WDR35: variants seen among roughly 807,000 people sequenced by gnomAD.
WDR35 encodes the protein WD repeat-containing protein 35.
Under a neutral mutation model 158.3 loss-of-function variants are expected in WDR35, and 118 were observed. The observed-to-expected ratio is 0.75, with a 90% CI of 0.64 to 0.87. The LOEUF (loss-of-function observed/expected upper bound fraction) is 0.87. WDR35 is among the 40% of genes least tolerant of loss of function. The probability of loss-of-function intolerance (pLI) is 0.00; values close to 1 mark genes in which losing one functional copy is unlikely to be tolerated. For synonymous variants in WDR35, 448 were observed against 476.1 expected (o/e 0.94, Z 0.77); for missense variants, 1,263 against 1,405.8 (o/e 0.90, Z 1.62).
Position 19,921,652 on chromosome 2 carries a change from C to G in WDR35, c.3122-7375G>C, listed in dbSNP as rs183502008. Among the ~76,000 whole-genome samples, 23 of 152,178 alleles carry G rather than the reference C, an allele frequency of 1.5e-4. 1 individual carries two copies. On this transcript the variant is annotated intron_variant, in intron 25 of 26. Coordinates refer to ENST00000281405, the MANE Select transcript of WDR35 (RefSeq NM_020779.4). The stretch of plus-strand genomic sequence containing the variant: ...AGAAGAAAACCTAGGCAATACCATT[C>G]AGGACATAGGCATGGGCAAAGACTT...
At chr2:19,980,310 T>C (rs772300705) in intron 4 of WDR35, among the ~76,000 whole-genome samples, 17 of 152,094 alleles carry the variant, frequency 1.1e-4, no homozygotes, top group Non-Finnish European at 2.2e-4. Flanking sequence ...TACAGTCTAC[T>C]GAGGAACCAA....
At chr2:19,963,347 T>C (rs1671729455) in intron 10 of WDR35, among the ~76,000 whole-genome samples, 1 of 151,490 alleles carries the variant, frequency 6.6e-6, no homozygotes, top group Non-Finnish European at 1.5e-5. Context: ...AAGCACATTC[T>C]GCTTTCTCTG....
rs1324144967 is a variant in WDR35, at chr2:19,990,087, G to A, written c.-72C>T. On this transcript the variant is annotated 5_prime_UTR_variant, in exon 1 of 27. Coordinates refer to ENST00000281405, the MANE Select transcript of WDR35 (RefSeq NM_020779.4). ...AGTAACGGTTCTACGTCTCCAATCG[G>A]GAGTACCAGCAGCTCCGGAAAGCTC... The A allele has an allele frequency of 3.8e-6, 6 of 1,592,374 alleles. No homozygotes were observed. The highest frequency in any genetic ancestry group is 5.1e-6 in the Non-Finnish European group (6 of 1,167,892).
intron 12 of WDR35, among the ~76,000 whole-genome samples, chr2:19,953,356 A>C (rs1671311520): frequency 6.6e-6 from 1 of 152,178 alleles, no homozygotes; most frequent in African/African-American, 2.4e-5. Context: ...AACCAGGGCA[A>C]GAAAAAGAAG....
At chr2:19,924,931 T>C (rs1265099490) in intron 25 of WDR35, among the ~76,000 whole-genome samples, 1 of 152,164 alleles carries the variant, frequency 6.6e-6, no homozygotes, top group Non-Finnish European at 1.5e-5. Flanking sequence ...AAAAAGGACA[T>C]TGGGCTAATC....
chr2:19,911,628 T>G lies in WDR35; in HGVS notation c.*1930A>C, dbSNP rs1368167102. Reference sequence around the variant, plus strand: ...ATTCATTGTGTTACATTTAGGTAAGTAAGTTAGTAACCTAGGAGACTTATT... The same window carrying G: ...ATTCATTGTGTTACATTTAGGTAAGGAAGTTAGTAACCTAGGAGACTTATT... On this transcript the variant is annotated 3_prime_UTR_variant, in exon 27 of 27. Coordinates refer to ENST00000281405, the MANE Select transcript of WDR35 (RefSeq NM_020779.4). 6.6e-6 allele frequency: 1 copy of G among 152,216 alleles called. No individual in the cohort carries two copies. Among genetic ancestry groups the G allele is most frequent in the African/African-American group, 2.4e-5 (1 of 41,452 alleles). 9.4% of individuals were successfully genotyped at this position (152,216 alleles called of 1,614,324 possible).
At chr2:19,927,676 G>T (rs182716801) in intron 25 of WDR35, among the ~76,000 whole-genome samples, 1 of 152,100 alleles carries the variant, frequency 6.6e-6, no homozygotes, top group South Asian at 2.1e-4. Flanking sequence ...ATAAAAAAGC[G>T]TCTAGAAGGA....
At chr2:19,919,380 C>CAAAAA (rs1302042752) in intron 25 of WDR35, among the ~76,000 whole-genome samples, 114 of 47,048 alleles carry the variant, frequency 2.4e-3, no homozygotes, top group African/African-American at 4.5e-3. Flanking sequence ...GGCTCCATCT[C>CAAAAA]AAAAAAAAAA....
At chr2:19,957,529 A>G (rs1671486065) in intron 11 of WDR35, among the ~76,000 whole-genome samples, 1 of 151,762 alleles carries the variant, frequency 6.6e-6, no homozygotes, top group Non-Finnish European at 1.5e-5. Context: ...AAAGAAAAAA[A>G]TTTGAAATAT....
At chr2:19,965,739 T>G (rs1671828652) in intron 10 of WDR35, among the ~76,000 whole-genome samples, 1 of 152,240 alleles carries the variant, frequency 6.6e-6, no homozygotes, top group South Asian at 2.1e-4. Flanking sequence ...GAAGGGCAGC[T>G]GCCTGTGGAC....
intron 17 of WDR35, among the ~76,000 whole-genome samples, chr2:19,938,619 A>G (rs1378927657): frequency 6.6e-6 from 1 of 152,192 alleles, no homozygotes. Flanking sequence ...CAGGCGGCCT[A>G]TGAGGAAAAG....
Position 19,990,033 on chromosome 2 carries a change from G to T in WDR35, c.-18C>A. Reference sequence around the variant, plus strand: ...AAGAACATCGTGGGATCCCCGAGAGGGTCACGGCGGCCGCTAAGGCCCTCG... The same window carrying T: ...AAGAACATCGTGGGATCCCCGAGAGTGTCACGGCGGCCGCTAAGGCCCTCG... On this transcript the variant is annotated 5_prime_UTR_variant, in exon 1 of 27. Coordinates refer to ENST00000281405, the MANE Select transcript of WDR35 (RefSeq NM_020779.4). 6.2e-7 allele frequency: 1 copy of T among 1,613,676 alleles called. No homozygotes were observed. The highest frequency in any genetic ancestry group is 8.5e-7 in the Non-Finnish European group (1 of 1,179,830).
At chr2:19,930,703 A>G (rs1670499990) in intron 24 of WDR35, 151 bp from the exon 25 acceptor site, 2 of 1,173,558 alleles carry the variant, frequency 1.7e-6, no homozygotes, top group Admixed American at 2.0e-5. Flanking sequence ...GAGATGAGGT[A>G]TTACTCTGTC....
In WDR35 at chr2:19,938,332, G is replaced by A. The variant is rs1401609292; in HGVS notation, c.1996C>T (p.Leu666=). The A allele has an allele frequency of 2.5e-6, 4 of 1,614,062 alleles. No individual in the cohort carries two copies. Among genetic ancestry groups the A allele is most frequent in the Non-Finnish European group, 2.5e-6 (3 of 1,180,004 alleles). The part of the protein sequence containing the change: ...EIRSLRDSRA[L]IEKVGIKDAS... ...TCTTTAATTCCAACCTTCTCAATCA[G>A]TGCTCGGCTATCTCGCAGAGACCGA... Residue 666 remains leucine (L), a synonymous_variant, in exon 18 of 27, where the codon CTG becomes TTG. Coordinates refer to ENST00000281405, the MANE Select transcript of WDR35 (RefSeq NM_020779.4).
intron 25 of WDR35, among the ~76,000 whole-genome samples, chr2:19,925,824 C>T (rs189374056): frequency 6.6e-6 from 1 of 152,148 alleles, no homozygotes; most frequent in African/African-American, 2.4e-5. Flanking sequence ...AGAAAAAAAT[C>T]TGCAAGCTTT....
In WDR35 at chr2:19,914,278, C is replaced by T; in HGVS notation, c.3122-1G>A. ...TCTTCATAGTCTTTCAGGTGAAGAG[C>T]TAAGAAAAACAGGGCAATTGGGGTT... On this transcript the variant is annotated splice_acceptor_variant, in intron 25 of 26. Transcript: ENST00000281405. LOFTEE classifies it high-confidence loss of function. 1.2e-6 allele frequency: 2 copies of T among 1,613,954 alleles called. No homozygotes were observed. The highest frequency in any genetic ancestry group is 1.7e-6 in the Non-Finnish European group (2 of 1,179,958).
intron 3 of WDR35, 72 bp downstream of exon 3, chr2:19,982,391 T>C (rs754480629): frequency 2.2e-5 from 30 of 1,364,212 alleles, no homozygotes; most frequent in Admixed American, 5.3e-5. Flanking sequence ...TTGACATTTC[T>C]GCATTAAGTA....
chr2:19,935,231 C>A (rs1670654997), intron 21 of WDR35: 3 of 303,352 alleles, frequency 9.9e-6, no homozygotes, highest in Non-Finnish European at 1.8e-5. Flanking sequence ...TCTTAACAGA[C>A]TACACAAGAC....
intron 25 of WDR35, among the ~76,000 whole-genome samples, chr2:19,914,484 T>C (rs1572302237): frequency 6.6e-6 from 1 of 152,312 alleles, no homozygotes; most frequent in Non-Finnish European, 1.5e-5. Flanking sequence ...GCTCATCCTA[T>C]GAAAAGAACC....
Sources: allele counts gnomAD v4.1 joint callset (sites outside exome capture counted in the v4.1 genomes callset), GRCh38; gene constraint gnomAD v4.1.1; transcripts MANE v1.5; gene names NCBI Gene and HGNC (gene_info 2026-07-23, HGNC 2026-07-21).